NIM1K: variants seen among roughly 807,000 people sequenced by gnomAD.
The protein encoded by NIM1K is serine/threonine-protein kinase NIM1.
In NIM1K, 35 loss-of-function variants were observed where a neutral mutation model predicts 37.1. The observed-to-expected ratio is 0.94, with a 90% CI of 0.72 to 1.25. The LOEUF (loss-of-function observed/expected upper bound fraction) is 1.25, where lower values mean the gene tolerates loss of function less well. Among genes scored for constraint, NIM1K ranks in the 50% most tolerant of loss-of-function variants. The pLI is 0.00. For missense variants in NIM1K, 564 were observed against 548.0 expected, an observed-to-expected ratio of 1.03 and a Z score of -0.29; for synonymous variants, 234 against 206.6, an observed-to-expected ratio of 1.13 and a Z score of -1.14.
intron 1 of NIM1K, among the ~76,000 whole-genome samples, chr5:43,242,538 G>A (rs1055962464): frequency 6.6e-6 from 1 of 151,882 alleles, no homozygotes; most frequent in African/African-American, 2.4e-5. Flanking sequence ...ACCTCCACAA[G>A]AAGATGGGGC....
chr5:43,267,578 T>G (rs879777023), intron 2 of NIM1K, among the ~76,000 whole-genome samples: 18 of 152,214 alleles, frequency 1.2e-4, no homozygotes, highest in Non-Finnish European at 2.4e-4. Flanking sequence ...CTTTTTGATG[T>G]AGGCATTTAG....
intron 1 of NIM1K, chr5:43,232,386 G>A (rs1172303604): frequency 1.4e-5 from 19 of 1,405,380 alleles, no homozygotes; most frequent in Middle Eastern, 1.9e-4. Flanking sequence ...TGGATGGGGG[G>A]ATAGGCCACC....
At position 43,257,152 on chromosome 5, in the gene NIM1K, C is replaced by T. The variant is rs79570580; in HGVS notation, c.292+11085C>T. Reference sequence around the variant, plus strand: ...AGCTAAGGAGTCTTAAATGAAGTGACGAGAAGTAGGAGGAAAGCCAGGAGT... The same window carrying T: ...AGCTAAGGAGTCTTAAATGAAGTGATGAGAAGTAGGAGGAAAGCCAGGAGT... On this transcript the variant is annotated intron_variant, in intron 2 of 3. Coordinates refer to ENST00000326035, the MANE Select transcript of NIM1K (RefSeq NM_153361.4). Among the ~76,000 whole-genome samples, 1,003 of 151,810 alleles carry T rather than the reference C, an allele frequency of 6.6e-3. 55 individuals carry two copies. The East Asian group carries it at 0.14, about 21-fold the overall frequency.
chr5:43,261,569 T>C (rs1345906568), intron 2 of NIM1K, among the ~76,000 whole-genome samples: 9 of 152,184 alleles, frequency 5.9e-5, no homozygotes, highest in African/African-American at 1.7e-4. Context: ...TGCCTGTTCA[T>C]TCTGATGGTA....
chr5:43,263,488 ATTC>A (rs1753069067), intron 2 of NIM1K, among the ~76,000 whole-genome samples: 1 of 143,122 alleles, frequency 7.0e-6, no homozygotes, highest in African/African-American at 2.6e-5. Flanking sequence ...CCTCTATTTG[ATTC>A]TTCTCTCTTT....
At chr5:43,207,057 T>C in intron 1 of NIM1K, 1 of 728,460 alleles carries the variant, frequency 1.4e-6, no homozygotes, top group Non-Finnish European at 2.6e-6. Flanking sequence ...TCAACAGATA[T>C]TGGCCCATTA....
At chr5:43,277,809 T>TGAGA (rs1289059946) in intron 3 of NIM1K, among the ~76,000 whole-genome samples, 2 of 146,760 alleles carry the variant, frequency 1.4e-5, no homozygotes, top group African/African-American at 5.3e-5. Context: ...TGTGTGTGTG[T>TGAGA]GTGTGTGAGA....
chr5:43,211,257 A>T (rs1389702073), intron 1 of NIM1K, among the ~76,000 whole-genome samples: 1 of 152,158 alleles, frequency 6.6e-6, no homozygotes, highest in African/African-American at 2.4e-5. Context: ...GTGGAAAGGA[A>T]TTCTGTTAAG....
intron 1 of NIM1K, among the ~76,000 whole-genome samples, chr5:43,216,202 G>A (rs565361771): frequency 8.6e-5 from 13 of 152,032 alleles, no homozygotes; most frequent in Non-Finnish European, 1.8e-4. Flanking sequence ...TTTTTCTGAA[G>A]ACCCCAGGCA....
At chr5:43,230,520 G>A (rs1157802339) in intron 1 of NIM1K, among the ~76,000 whole-genome samples, 1 of 152,124 alleles carries the variant, frequency 6.6e-6, no homozygotes, top group African/African-American at 2.4e-5. Context: ...GGATAGCAAT[G>A]TGCCCAGCTA....
At chr5:43,211,817 A>G (rs1752209218) in intron 1 of NIM1K, among the ~76,000 whole-genome samples, 1 of 152,196 alleles carries the variant, frequency 6.6e-6, no homozygotes, top group Non-Finnish European at 1.5e-5. Context: ...TGGAATAATC[A>G]CACAAGTGGT....
chr5:43,215,105 A>T (rs900698582), intron 1 of NIM1K, among the ~76,000 whole-genome samples: 2 of 152,192 alleles, frequency 1.3e-5, no homozygotes, highest in Non-Finnish European at 2.9e-5. Flanking sequence ...GTGAGATGAC[A>T]GGTCCTCATT....
intron 1 of NIM1K, among the ~76,000 whole-genome samples, chr5:43,210,853 T>C (rs1241136655): frequency 6.6e-6 from 1 of 152,180 alleles, no homozygotes; most frequent in African/African-American, 2.4e-5. Flanking sequence ...TTATCTACCA[T>C]CACATCTTGA....
At position 43,272,115 on chromosome 5, in the gene NIM1K, G is replaced by A. The variant is rs1204893823; in HGVS notation, c.293-4942G>A. ...GCAGTTAGGAGCTATTATCAATAAA[G>A]CAACTAATGATGTTGAATATTAAAA... is the stretch of plus-strand genomic sequence containing the variant. On this transcript the variant is annotated intron_variant, in intron 2 of 3. Coordinates refer to ENST00000326035, the MANE Select transcript of NIM1K (RefSeq NM_153361.4). 2.0e-5 allele frequency among the ~76,000 whole-genome samples: 3 copies of A among 152,134 alleles called. No homozygotes were observed. The East Asian group carries it at 5.8e-4, about 29-fold the overall frequency.
chr5:43,210,063 A>G (rs576297062), intron 1 of NIM1K, among the ~76,000 whole-genome samples: 97 of 152,308 alleles, frequency 6.4e-4, no homozygotes, highest in Admixed American at 1.5e-3. Context: ...AAGTATGTAC[A>G]CAGTAACTGA....
At chr5:43,253,265 C>G (rs1752896526) in intron 2 of NIM1K, among the ~76,000 whole-genome samples, 1 of 140,686 alleles carries the variant, frequency 7.1e-6, no homozygotes, top group Non-Finnish European at 1.5e-5. Context: ...TAAGCACATG[C>G]CTGATAAGGA....
chr5:43,196,303 T>C (rs1447138539), intron 1 of NIM1K, among the ~76,000 whole-genome samples: 4 of 152,196 alleles, frequency 2.6e-5, no homozygotes, highest in African/African-American at 9.7e-5. Flanking sequence ...ATCATCACAA[T>C]GCATTCACCT....
chr5:43,246,109 G>A (rs760328646), intron 2 of NIM1K, 42 bp downstream of exon 2: 1 of 1,552,574 alleles, frequency 6.4e-7, no homozygotes, highest in South Asian at 1.2e-5. Flanking sequence ...GCAGTATTGG[G>A]ACCTAGTGTA....
intron 3 of NIM1K, 89 bp downstream of exon 3, chr5:43,277,414 A>T: frequency 7.1e-7 from 1 of 1,406,536 alleles, no homozygotes; most frequent in South Asian, 1.3e-5. Context: ...CAAGTGTCCC[A>T]GAGGGCTTTT....
Sources: allele counts gnomAD v4.1 joint callset (sites outside exome capture counted in the v4.1 genomes callset), GRCh38; gene constraint gnomAD v4.1.1; transcripts MANE v1.5; gene names NCBI Gene and HGNC (gene_info 2026-07-23, HGNC 2026-07-21).